XCR1: variants seen among roughly 807,000 people sequenced by gnomAD.
XCR1 encodes chemokine XC receptor 1.
For synonymous variants in XCR1, 187 were observed against 188.5 expected, an observed-to-expected ratio of 0.99 and a Z score of 0.06; for missense variants, 356 against 424.2, an observed-to-expected ratio of 0.84 and a Z score of 1.41.
At chr3:46,024,532 A>T (rs961064622) in intron 1 of XCR1, among the ~76,000 whole-genome samples, 6 of 152,202 alleles carry the variant, frequency 3.9e-5, no homozygotes, top group Non-Finnish European at 5.9e-5. Context: ...TTAATCTATA[A>T]TGCCATAAAT....
intron 5 of XCR1, among the ~76,000 whole-genome samples, chr3:46,052,174 G>A (rs1385917050): frequency 1.3e-5 from 2 of 152,134 alleles, no homozygotes; most frequent in African/African-American, 2.4e-5. Flanking sequence ...CCCAAATACC[G>A]GTGGGAACTT....
intron 1 of XCR1, among the ~76,000 whole-genome samples, chr3:46,078,519 G>C (rs1486912351): frequency 6.6e-6 from 1 of 152,182 alleles, no homozygotes; most frequent in African/African-American, 2.4e-5. Context: ...GGAGATTTGG[G>C]TTCCAGAAAA....
chr3:46,073,393 C>G (rs1909595), intron 3 of XCR1, among the ~76,000 whole-genome samples: 76,461 of 151,742 alleles, frequency 0.5, 23,027 homozygotes, highest in African/African-American at 0.85. Flanking sequence ...CCTGGAGTTC[C>G]AGACCAGCTT....
rs576219757 is a variant in XCR1 at position 46,023,154 on chromosome 3, C to T, written c.-31-1176G>A. On this transcript the variant is annotated intron_variant, in intron 1 of 1. Transcript: ENST00000309285. ...CGCGGCGGCGGCGCAGGGGGCGGGC[C>T]CGTGGCGCGGGGCCTGAGGAGGAAG... is the stretch of plus-strand genomic sequence containing the variant. 3 of 390,702 alleles carry T rather than the reference C, an allele frequency of 7.7e-6. No individual in the cohort carries two copies. In the East Asian group the frequency reaches 1.3e-4, roughly 17 times the overall value. The allele number at this position is 390,702 out of a possible 1,614,324, so 24.2% of individuals were successfully genotyped here.
At chr3:46,026,060 G>A (rs1172746414) in intron 1 of XCR1, among the ~76,000 whole-genome samples, 6 of 151,850 alleles carry the variant, frequency 4.0e-5, no homozygotes, top group Non-Finnish European at 7.4e-5. Context: ...ATAGAATAAA[G>A]AAAAAAACTA....
At chr3:46,073,639 G>A (rs1327701730) in intron 3 of XCR1, among the ~76,000 whole-genome samples, 4 of 151,978 alleles carry the variant, frequency 2.6e-5, no homozygotes, top group Non-Finnish European at 1.5e-5. Flanking sequence ...TGGACAGAGA[G>A]CCTGCAGAAT....
chr3:46,044,663 G>A (rs1185396842), intron 5 of XCR1, among the ~76,000 whole-genome samples: 1 of 152,132 alleles, frequency 6.6e-6, no homozygotes. Context: ...GAAATGAAAA[G>A]AGGAGTCATT....
chr3:46,031,400 G>C (rs950304024), upstream of XCR1, among the ~76,000 whole-genome samples: 4 of 152,260 alleles, frequency 2.6e-5, no homozygotes, highest in South Asian at 8.3e-4. Flanking sequence ...CTTGGGTGCT[G>C]TTGCAACCTG....
At chr3:46,022,125 C>A in intron 1 of XCR1, 147 bp from the exon 2 acceptor site, 3 of 657,088 alleles carry the variant, frequency 4.6e-6, no homozygotes, top group Non-Finnish European at 7.4e-6. Context: ...TATAGTGACA[C>A]CCCTGTCTCT....
At chr3:46,043,076 G>A (rs1461651819) in intron 5 of XCR1, among the ~76,000 whole-genome samples, 1 of 152,130 alleles carries the variant, frequency 6.6e-6, no homozygotes. Flanking sequence ...AAAATCATGT[G>A]ATCATCTCAA....
chr3:46,059,286 C>T (rs1228428895), intron 4 of XCR1, among the ~76,000 whole-genome samples: 1 of 152,138 alleles, frequency 6.6e-6, no homozygotes, highest in Non-Finnish European at 1.5e-5. Context: ...TGGTTGTGCA[C>T]AATATGCAGG....
upstream of XCR1, among the ~76,000 whole-genome samples, chr3:46,032,233 G>C (rs1021696494): frequency 6.6e-6 from 1 of 152,226 alleles, no homozygotes; most frequent in African/African-American, 2.4e-5. Flanking sequence ...CCCAGACCTG[G>C]GGTGCTCCCC....
intron 1 of XCR1, among the ~76,000 whole-genome samples, chr3:46,026,668 C>T (rs59676542): frequency 0.11 from 16,218 of 151,114 alleles, 2,953 homozygotes; most frequent in African/African-American, 0.38. Context: ...CTGCAAGCTC[C>T]GTCTCCCAGA....
rs750737299 is a variant in XCR1 at position 46,021,389 on chromosome 3, C to G, written c.559G>C (p.Val187Leu). Residue 187 changes from valine (V) to leucine (L), a missense_variant, in exon 2 of 2, where the codon GTC becomes CTC. Physicochemically the swap from Val to Leu is conservative, Grantham distance 32. Transcript: ENST00000309285. This position sits in a 1 kb window ranked among gnomAD's most constrained non-coding sequence, Gnocchi z 4.7. Reference sequence around the variant, plus strand: ...AGGAAGAAGAGGTTGTGCTGGTAGACGGAGGTGAGGTACCACGTGAGTTCG... The same window carrying G: ...AGGAAGAAGAGGTTGTGCTGGTAGAGGGAGGTGAGGTACCACGTGAGTTCG... Reference protein sequence around the residue: ...YSELTWYLTSVYQHNLFFLLS... With the variant: ...YSELTWYLTSLYQHNLFFLLS... 1.9e-6 allele frequency: 3 copies of G among 1,613,998 alleles called. No homozygotes were observed. Among genetic ancestry groups the G allele is most frequent in the Middle Eastern group, 1.6e-4 (1 of 6,084 alleles).
At chr3:46,068,992 C>T (rs1575438491) in intron 3 of XCR1, among the ~76,000 whole-genome samples, 1 of 152,102 alleles carries the variant, frequency 6.6e-6, no homozygotes, top group African/African-American at 2.4e-5. Context: ...AAATGAATAT[C>T]ATATGTTTAA....
intron 4 of XCR1, among the ~76,000 whole-genome samples, chr3:46,064,742 G>T (rs1398565736): frequency 6.6e-6 from 1 of 152,176 alleles, no homozygotes. Flanking sequence ...TCTCTGCTCA[G>T]CCCCAGGTAT....
intron 5 of XCR1, among the ~76,000 whole-genome samples, chr3:46,041,950 C>A (rs1004748428): frequency 6.6e-6 from 1 of 152,202 alleles, no homozygotes; most frequent in African/African-American, 2.4e-5. Flanking sequence ...GCTCCCATTT[C>A]CTCAGCTTCA....
At chr3:46,060,804 C>T (rs927288108) in intron 4 of XCR1, among the ~76,000 whole-genome samples, 8 of 152,170 alleles carry the variant, frequency 5.3e-5, no homozygotes, top group African/African-American at 9.7e-5. Context: ...TCCTGGAGGA[C>T]GCTTCCCCAG....
upstream of XCR1, among the ~76,000 whole-genome samples, chr3:46,029,213 G>T (rs1708356857): frequency 6.6e-6 from 1 of 152,104 alleles, no homozygotes; most frequent in Non-Finnish European, 1.5e-5. Flanking sequence ...TTTTTTGTTT[G>T]TTTGTTTTGA....
Sources: allele counts gnomAD v4.1 joint callset (sites outside exome capture counted in the v4.1 genomes callset), GRCh38; gene constraint gnomAD v4.1.1; non-coding constraint Gnocchi (gnomAD v3.1); transcripts MANE v1.5; gene names NCBI Gene and HGNC (gene_info 2026-07-23, HGNC 2026-07-21).